Variants in MARCHF1 observed in about 807,000 individuals in gnomAD.
MARCHF1 encodes the protein membrane associated ring-CH-type finger 1.
A neutral mutation model predicts 54.2 loss-of-function variants in MARCHF1; 40 were observed. That is an observed-to-expected ratio of 0.74 (90% CI 0.57 to 0.96). The LOEUF is 0.96. Ranked by LOEUF, MARCHF1 falls within the 40% of genes least tolerant of loss-of-function variation. MARCHF1 has a pLI of 0.00. For missense variants in MARCHF1, 586 were observed against 656.5 expected, an observed-to-expected ratio of 0.89 and a Z score of 1.17; for synonymous variants, 236 against 236.3, an observed-to-expected ratio of 1.00 and a Z score of 0.01.
At chr4:163,682,499 GAC>G (rs1024252438) in intron 5 of MARCHF1, among the ~76,000 whole-genome samples, 1 of 152,188 alleles carries the variant, frequency 6.6e-6, no homozygotes, top group African/African-American at 2.4e-5. Flanking sequence ...CGGGCCCAGG[GAC>G]CCCCTGCTCT....
At chr4:163,669,191 C>T (rs1224735372) in intron 5 of MARCHF1, among the ~76,000 whole-genome samples, 1 of 152,084 alleles carries the variant, frequency 6.6e-6, no homozygotes, top group Non-Finnish European at 1.5e-5. Context: ...TGAACGCTGA[C>T]TTGGCTCTGG....
chr4:163,872,945 G>A (rs1282698567), intron 3 of MARCHF1, among the ~76,000 whole-genome samples: 1 of 152,122 alleles, frequency 6.6e-6, no homozygotes, highest in Non-Finnish European at 1.5e-5. Flanking sequence ...TCGGGAGGCT[G>A]AGGCAGGAGA....
chr4:164,007,318 C>T (rs1156413413), intron 2 of MARCHF1, among the ~76,000 whole-genome samples: 2 of 130,300 alleles, frequency 1.5e-5, no homozygotes, highest in African/African-American at 2.9e-5. Context: ...TGCACTCCAG[C>T]CTGGGCGACA....
chr4:164,221,373 A>G (rs191867643), intron 1 of MARCHF1, among the ~76,000 whole-genome samples: 1 of 152,212 alleles, frequency 6.6e-6, no homozygotes, highest in Admixed American at 6.6e-5. Flanking sequence ...TACAAAATGT[A>G]TAAGGAGAAA....
intron 2 of MARCHF1, among the ~76,000 whole-genome samples, chr4:164,087,262 G>T (rs1359131373): frequency 6.6e-6 from 1 of 151,982 alleles, no homozygotes; most frequent in East Asian, 1.9e-4. Context: ...CTTCAAGAGG[G>T]ATGAAGAAAT....
intron 1 of MARCHF1, among the ~76,000 whole-genome samples, chr4:164,150,323 T>C (rs1260810554): frequency 6.6e-6 from 1 of 152,164 alleles, no homozygotes; most frequent in Non-Finnish European, 1.5e-5. Flanking sequence ...TAATTTCAAG[T>C]CTTTCCCAGG....
At position 163,711,403 on chromosome 4, in the gene MARCHF1, T is replaced by A. The variant is rs78726149; in HGVS notation, c.112-10540A>T. 4.7e-3 allele frequency among the ~76,000 whole-genome samples: 710 copies of A among 152,298 alleles called. 7 individuals carry two copies. The highest frequency in any genetic ancestry group is 0.017 in the African/African-American group (687 of 41,564). On this transcript the variant is annotated intron_variant, in intron 4 of 9. Coordinates refer to ENST00000514618, the MANE Select transcript of MARCHF1 (RefSeq NM_001394959.1). ...TATTTTCACAGGTGTGCTAGGTGTA[T>A]CTTCCACCAGTCCGTGTAGATCCAT...
intron 2 of MARCHF1, among the ~76,000 whole-genome samples, chr4:164,065,959 T>C (rs964475130): frequency 4.6e-5 from 7 of 152,214 alleles, no homozygotes; most frequent in Non-Finnish European, 1.0e-4. Flanking sequence ...AATTGGATAG[T>C]GTGCACCCAC....
At chr4:163,876,785 C>T (rs1245532236) in intron 3 of MARCHF1, among the ~76,000 whole-genome samples, 1 of 152,098 alleles carries the variant, frequency 6.6e-6, no homozygotes, top group Non-Finnish European at 1.5e-5. Flanking sequence ...TGATTTTCTA[C>T]AATCTTGCAT....
At chr4:163,716,619 C>T (rs978282750) in intron 4 of MARCHF1, among the ~76,000 whole-genome samples, 8 of 152,136 alleles carry the variant, frequency 5.3e-5, no homozygotes, top group African/African-American at 1.4e-4. Context: ...TAGTGTTGTT[C>T]GCTCATTTGC....
At chr4:164,062,547 CAG>C (rs765567692) in intron 2 of MARCHF1, among the ~76,000 whole-genome samples, 5 of 152,014 alleles carry the variant, frequency 3.3e-5, no homozygotes, top group Non-Finnish European at 5.9e-5. Flanking sequence ...TTATTGGAGA[CAG>C]AGTCTCGCTC....
chr4:163,744,664 A>T (rs1444617060), intron 4 of MARCHF1, among the ~76,000 whole-genome samples: 1 of 152,238 alleles, frequency 6.6e-6, no homozygotes, highest in African/African-American at 2.4e-5. Flanking sequence ...ATTATAAATT[A>T]GAAGAGAGTG....
At chr4:164,316,408 C>A (rs1734998664) in intron 1 of MARCHF1, among the ~76,000 whole-genome samples, 2 of 151,942 alleles carry the variant, frequency 1.3e-5, no homozygotes, top group Non-Finnish European at 2.9e-5. Context: ...TTTAAGAGGG[C>A]AACAAATTCA....
chr4:163,627,593 C>T (rs1741916163), intron 5 of MARCHF1, among the ~76,000 whole-genome samples: 2 of 151,784 alleles, frequency 1.3e-5, no homozygotes, highest in Admixed American at 1.3e-4. Context: ...AAGTATCGTT[C>T]AATCTTATTT....
At chr4:163,965,690 G>C (rs1385075384) in intron 3 of MARCHF1, among the ~76,000 whole-genome samples, 1 of 152,076 alleles carries the variant, frequency 6.6e-6, no homozygotes, top group African/African-American at 2.4e-5. Context: ...TGCACTGTCT[G>C]AGAAGATTAT....
At chr4:164,329,441 C>T (rs766846822) in intron 1 of MARCHF1, among the ~76,000 whole-genome samples, 11 of 151,612 alleles carry the variant, frequency 7.3e-5, no homozygotes, top group East Asian at 1.9e-4. Flanking sequence ...AATGAAAAGA[C>T]GGAAAAAAAA....
At chr4:163,840,125 TG>T (rs1439466298) in intron 4 of MARCHF1, among the ~76,000 whole-genome samples, 1 of 152,156 alleles carries the variant, frequency 6.6e-6, no homozygotes, top group East Asian at 1.9e-4. Context: ...GAAACAGAGA[TG>T]GCTCTGGAAA....
intron 1 of MARCHF1, among the ~76,000 whole-genome samples, chr4:164,312,963 T>C (rs889326415): frequency 6.6e-6 from 1 of 152,110 alleles, no homozygotes; most frequent in Non-Finnish European, 1.5e-5. Flanking sequence ...TGAAAGTCAG[T>C]ACTCACTCTC....
intron 1 of MARCHF1, among the ~76,000 whole-genome samples, chr4:164,150,869 G>A (rs1729915962): frequency 6.6e-6 from 1 of 152,160 alleles, no homozygotes; most frequent in African/African-American, 2.4e-5. Context: ...TAGAATTATG[G>A]TTGTTAATCA....
Sources: allele counts gnomAD v4.1 joint callset (sites outside exome capture counted in the v4.1 genomes callset), GRCh38; gene constraint gnomAD v4.1.1; transcripts MANE v1.5; gene names NCBI Gene and HGNC (gene_info 2026-07-23, HGNC 2026-07-21).